The following MICU3 variants were observed in gnomAD, a reference collection of about 807,000 sequenced individuals.
MICU3 encodes calcium uptake protein 3, mitochondrial.
In MICU3, 62 loss-of-function variants were observed where a neutral mutation model predicts 66.5. The observed-to-expected ratio is 0.93, with a 90% CI of 0.76 to 1.15. MICU3 has a LOEUF of 1.15. MICU3 is among the 50% of genes most tolerant of loss of function. MICU3 has a pLI of 0.00. For missense variants in MICU3, 779 were observed against 664.4 expected (o/e 1.17, Z -1.90); for synonymous variants, 308 against 240.7 (o/e 1.28, Z -2.59).
the MICU3 span, among the ~76,000 whole-genome samples, chr8:17,137,293 G>A: frequency 6.6e-5 from 10 of 151,902 alleles, no homozygotes; most frequent in Non-Finnish European, 1.5e-4. Context: ...TGTTCTATTT[G>A]CATTTAAAAC....
intron 3 of MICU3, among the ~76,000 whole-genome samples, chr8:17,076,032 T>C (rs558357390): frequency 2.2e-4 from 33 of 152,184 alleles, no homozygotes; most frequent in Non-Finnish European, 4.4e-4. Context: ...TTTAAGTTTT[T>C]TTATATTTTT....
In MICU3 at chr8:17,085,628, A is replaced by G. The variant is rs539171361; in HGVS notation, c.777+310A>G. On this transcript the variant is annotated intron_variant, in intron 6 of 14. Transcript: ENST00000318063. ...GGTTATACATGCCCAATTAATATTC[A>G]GTCCCCATTATGTCATCCACCTAGG... 2.0e-5 allele frequency among the ~76,000 whole-genome samples: 3 copies of G among 152,200 alleles called. No individual in the cohort carries two copies. In the East Asian group the frequency reaches 5.8e-4, roughly 29 times the overall value.
At chr8:17,094,096 T>A (rs1800392412) in intron 8 of MICU3, among the ~76,000 whole-genome samples, 1 of 151,994 alleles carries the variant, frequency 6.6e-6, no homozygotes, top group African/African-American at 2.4e-5. Flanking sequence ...ACCACCTACT[T>A]ATGCATCCTA....
At chr8:17,093,995 G>A (rs1800380062) in intron 8 of MICU3, among the ~76,000 whole-genome samples, 2 of 151,976 alleles carry the variant, frequency 1.3e-5, no homozygotes. Flanking sequence ...CTTCATGTGT[G>A]TCCCCACTCA....
chr8:17,087,079 C>A, intron 7 of MICU3, 44 bp downstream of exon 7: 1 of 1,202,172 alleles, frequency 8.3e-7, no homozygotes, highest in Non-Finnish European at 1.2e-6. Context: ...TTGTAGGCAA[C>A]AATTATTTTA....
intron 3 of MICU3, among the ~76,000 whole-genome samples, chr8:17,069,994 A>G (rs560912951): frequency 6.6e-6 from 1 of 152,180 alleles, no homozygotes; most frequent in African/African-American, 2.4e-5. Flanking sequence ...ATTATCTACT[A>G]AAATTGGCGA....
At chr8:17,048,722 C>T (rs1377959475) in intron 1 of MICU3, among the ~76,000 whole-genome samples, 1 of 152,156 alleles carries the variant, frequency 6.6e-6, no homozygotes, top group Admixed American at 6.5e-5. Context: ...CTCAAGATAT[C>T]CTCTTGCCTC....
intron 2 of MICU3, among the ~76,000 whole-genome samples, chr8:17,065,282 C>T (rs1051638693): frequency 1.3e-5 from 2 of 152,034 alleles, no homozygotes; most frequent in African/African-American, 4.8e-5. Flanking sequence ...AAAATAAATC[C>T]TCAATAATTT....
intron 3 of MICU3, among the ~76,000 whole-genome samples, chr8:17,074,590 CG>C (rs1820096540): frequency 1.4e-4 from 20 of 141,944 alleles, no homozygotes; most frequent in Non-Finnish European, 1.6e-5. Flanking sequence ...GATGTTAAAA[CG>C]TGTGTGTGTG....
At chr8:17,137,102 C>T in the MICU3 span, among the ~76,000 whole-genome samples, 6 of 152,024 alleles carry the variant, frequency 3.9e-5, no homozygotes, top group Admixed American at 6.6e-5. Context: ...GGATTACAGG[C>T]GTGAGCCACC....
At chr8:17,057,345 G>C (rs559644152) in intron 1 of MICU3, among the ~76,000 whole-genome samples, 1 of 152,144 alleles carries the variant, frequency 6.6e-6, no homozygotes, top group African/African-American at 2.4e-5. Context: ...CAGGAGCTCA[G>C]TTCTTGTTCC....
At chr8:17,106,916 C>T (rs1234202) in intron 11 of MICU3, among the ~76,000 whole-genome samples, 2,649 of 152,176 alleles carry the variant, frequency 0.017, 23 homozygotes, top group Non-Finnish European at 0.026. Flanking sequence ...TGTCTTTCCC[C>T]TCCTTCCGCC....
intron 11 of MICU3, among the ~76,000 whole-genome samples, chr8:17,112,563 A>G (rs559194705): frequency 9.2e-5 from 14 of 152,320 alleles, no homozygotes; most frequent in Non-Finnish European, 2.9e-5. Context: ...AAAGTGTTTA[A>G]TCTACACAAA....
chr8:17,047,330 A>C (rs1023318814), intron 1 of MICU3, among the ~76,000 whole-genome samples: 1 of 152,218 alleles, frequency 6.6e-6, no homozygotes, highest in Non-Finnish European at 1.5e-5. Context: ...ACAGAAATGA[A>C]GATATGTCAA....
chr8:17,067,373 C>A (rs1818882062), intron 2 of MICU3, among the ~76,000 whole-genome samples: 1 of 151,734 alleles, frequency 6.6e-6, no homozygotes, highest in Non-Finnish European at 1.5e-5. Context: ...ACCTGGCACA[C>A]AGTAAACATT....
rs933106264 is a variant in MICU3, at chr8:17,029,476, C to CA, written c.381+1827dup. Among the ~76,000 whole-genome samples the CA allele has an allele frequency of 2.5e-4, 37 of 145,870 alleles. 1 individual carries two copies. Among genetic ancestry groups the CA allele is most frequent in the South Asian group, 8.6e-4 (4 of 4,626 alleles). On this transcript the variant is annotated intron_variant, in intron 1 of 14. Transcript: ENST00000318063. ...GGGTGACAAGAGCGAAACTCCATCT[C>CA]AAAAAAAAAAATTATTTTTTATTCG... is the stretch of plus-strand genomic sequence containing the variant.
At chr8:17,040,606 A>C (rs1040952733) in intron 1 of MICU3, among the ~76,000 whole-genome samples, 2 of 152,228 alleles carry the variant, frequency 1.3e-5, no homozygotes, top group African/African-American at 4.8e-5. Context: ...GCAAATGCAG[A>C]GATTATATAT....
At chr8:17,087,095 G>C in intron 7 of MICU3, 60 bp downstream of exon 7, 1 of 1,098,126 alleles carries the variant, frequency 9.1e-7, no homozygotes. Context: ...TTTTATTCAT[G>C]TTAAGAAACA....
At chr8:17,092,197 A>T (rs953807614) in intron 8 of MICU3, among the ~76,000 whole-genome samples, 1 of 151,954 alleles carries the variant, frequency 6.6e-6, no homozygotes, top group Non-Finnish European at 1.5e-5. Flanking sequence ...TTTCTAATGT[A>T]ATATGTCATC....
Sources: gnomAD v4.1 joint callset for allele counts (sites outside exome capture counted in the v4.1 genomes callset) on GRCh38, gnomAD v4.1.1 for gene constraint, MANE v1.5 for transcripts, NCBI Gene and HGNC (gene_info 2026-07-23, HGNC 2026-07-21) for gene names.